EPB41L2: variants seen among roughly 807,000 people sequenced by gnomAD.
EPB41L2 encodes band 4.1-like protein 2.
In EPB41L2, 43 loss-of-function variants were observed where a neutral mutation model predicts 113.0. The ratio of observed to expected loss-of-function variants is 0.38; its 90% confidence interval spans 0.30 to 0.49. EPB41L2 has a LOEUF of 0.49. Among genes scored for constraint, EPB41L2 ranks in the 20% least tolerant of loss-of-function variants. EPB41L2 has a pLI of 0.95. For missense variants in EPB41L2, 1,147 were observed against 1,223.4 expected, an observed-to-expected ratio of 0.94 and a Z score of 0.93; for synonymous variants, 442 against 436.7, an observed-to-expected ratio of 1.01 and a Z score of -0.15.
intron 1 of EPB41L2, among the ~76,000 whole-genome samples, chr6:130,991,790 C>T (rs1267082506): frequency 1.3e-5 from 2 of 152,108 alleles, no homozygotes; most frequent in East Asian, 3.9e-4. Context: ...GTTGTCTTTG[C>T]TTTATTCCTC....
intron 19 of EPB41L2, among the ~76,000 whole-genome samples, chr6:130,845,729 C>G (rs1776859895): frequency 6.6e-6 from 1 of 152,182 alleles, no homozygotes; most frequent in Non-Finnish European, 1.5e-5. Context: ...ATAGAGAAGA[C>G]AGTTTCACTT....
intron 4 of EPB41L2, among the ~76,000 whole-genome samples, chr6:130,918,994 G>A (rs1802006059): frequency 6.6e-6 from 1 of 152,052 alleles, no homozygotes; most frequent in African/African-American, 2.4e-5. Context: ...CTTGAGGACT[G>A]GATTTTGTCT....
intron 1 of EPB41L2, among the ~76,000 whole-genome samples, chr6:130,967,997 C>G (rs1775766886): frequency 6.6e-6 from 1 of 152,182 alleles, no homozygotes; most frequent in African/African-American, 2.4e-5. Flanking sequence ...ATGATCATGA[C>G]AGATGCCAGC....
chr6:131,046,383 T>C (rs1478444015), intron 1 of EPB41L2, among the ~76,000 whole-genome samples: 9 of 152,122 alleles, frequency 5.9e-5, no homozygotes, highest in Admixed American at 5.9e-4. Context: ...ACTTAACTAA[T>C]GAGTGTACTG....
intron 11 of EPB41L2, among the ~76,000 whole-genome samples, chr6:130,887,463 CT>C (rs1196622962): frequency 6.6e-6 from 1 of 152,148 alleles, no homozygotes; most frequent in Non-Finnish European, 1.5e-5. Context: ...CACATAAACC[CT>C]TCAATGGTTT....
chr6:130,890,352 C>T lies in EPB41L2; in HGVS notation c.1602G>A (p.Arg534=), dbSNP rs1792391702. The change falls in exon 11 of 20, where the codon AGG becomes AGA. Residue 534 remains arginine (R), a synonymous_variant. Transcript: ENST00000337057. ...AAGTGCGCTCAAAGTGTGGTGCTGG[C>T]CTATCTATGAGGGTGCTGGCCTGGC... is the stretch of plus-strand genomic sequence containing the variant. The part of the protein sequence containing the change: ...QTRQASTLID[R]PAPHFERTSS... 1 of 1,613,706 alleles carries T rather than the reference C, an allele frequency of 6.2e-7. No individual in the cohort carries two copies. Among genetic ancestry groups the T allele is most frequent in the African/African-American group, 1.3e-5 (1 of 74,948 alleles).
rs555792220 is a variant in EPB41L2, at chr6:130,935,709, G to A, written c.706-9000C>T. Among the ~76,000 whole-genome samples, 7 of 152,162 alleles carry A rather than the reference G, an allele frequency of 4.6e-5. No homozygotes were observed. In the South Asian group the frequency reaches 6.2e-4, roughly 14 times the overall value. ...TAATATCTCATTCATAACTACACAC[G>A]AATTTATTTCTTAGGCAGTTGTAGT... On this transcript the variant is annotated intron_variant, in intron 3 of 19. Transcript: ENST00000337057.
At position 130,858,175 on chromosome 6, in the gene EPB41L2, TACC is replaced by T. The variant is rs1249010323; in HGVS notation, c.2976_2978del (p.Val993del). On this transcript the variant is annotated inframe_deletion, in exon 19 of 20. Coordinates refer to ENST00000337057, the MANE Select transcript of EPB41L2 (RefSeq NM_001431.4). The stretch of plus-strand genomic sequence containing the variant: ...CCTCAGCCAACTCTGTTTCTTTGTG[TACC>T]ACCACTCTTGTGACCGACATGTCAG... The T allele has an allele frequency of 6.2e-7, 1 of 1,614,098 alleles. No individual in the cohort carries two copies. Among genetic ancestry groups the T allele is most frequent in the South Asian group, 1.1e-5 (1 of 91,076 alleles).
In EPB41L2 at chr6:130,943,207, C is replaced by T. The variant is rs111871340; in HGVS notation, c.705+11898G>A. On this transcript the variant is annotated intron_variant, in intron 3 of 19. Coordinates refer to ENST00000337057, the MANE Select transcript of EPB41L2 (RefSeq NM_001431.4). ...ACAATGGTTGAACTAATTCATGCTC[C>T]CACCAACAGTGTAAAAGCGTTCCTA... Among the ~76,000 whole-genome samples the T allele has an allele frequency of 2.1e-3, 325 of 152,264 alleles. 7 individuals are homozygous for T. In the Middle Eastern group the frequency reaches 0.024, roughly 11 times the overall value.
intron 19 of EPB41L2, among the ~76,000 whole-genome samples, chr6:130,852,308 C>T (rs1778986211): frequency 6.6e-6 from 1 of 152,160 alleles, no homozygotes; most frequent in African/African-American, 2.4e-5. Flanking sequence ...TCTTAACATG[C>T]AGACGATCCA....
Position 130,956,421 on chromosome 6 carries a change from G to C in EPB41L2, c.65C>G (p.Ala22Gly), listed in dbSNP as rs749040532. ...KKDSSQLGTD[A>G]TKEKPKEVAE... ...TACTTCTTTAGGTTTTTCCTTGGTT[G>C]CATCTGTTCCTAACTGGCTAGAGTC... is the stretch of plus-strand genomic sequence containing the variant. Residue 22 changes from alanine (A) to glycine (G), a missense_variant, in exon 2 of 20, where the codon GCA becomes GGA. Physicochemically the swap from Ala to Gly is moderately conservative, Grantham distance 60. Transcript: ENST00000337057. 4.3e-6 allele frequency: 7 copies of C among 1,613,962 alleles called. No homozygotes were observed. The South Asian group carries it at 7.7e-5, about 18-fold the overall frequency.
chr6:130,845,787 C>A (rs1270459453), intron 19 of EPB41L2, among the ~76,000 whole-genome samples: 2 of 152,204 alleles, frequency 1.3e-5, no homozygotes, highest in African/African-American at 4.8e-5. Context: ...TCCTACATCT[C>A]AAGCCTGAGT....
chr6:130,872,748 T>C (rs1786178431), intron 14 of EPB41L2, among the ~76,000 whole-genome samples: 1 of 152,174 alleles, frequency 6.6e-6, no homozygotes, highest in Non-Finnish European at 1.5e-5. Context: ...GAATCTTTGA[T>C]AGTTGCGACC....
At chr6:130,845,400 C>T (rs1056260668) in intron 19 of EPB41L2, among the ~76,000 whole-genome samples, 4 of 151,518 alleles carry the variant, frequency 2.6e-5, no homozygotes, top group Admixed American at 2.0e-4. Flanking sequence ...TTTTTAGAGG[C>T]AGGGTCTTGC....
Position 130,901,136 on chromosome 6 carries a change from C to T in EPB41L2, c.974G>A (p.Arg325His), listed in dbSNP as rs375486728. Reference sequence around the variant, plus strand: ...ATGAGTCACAAAAGAGCAGGGCAGGCGGCCAGAGGCAATGTCCTGCCGGAG... The same window carrying T: ...ATGAGTCACAAAAGAGCAGGGCAGGTGGCCAGAGGCAATGTCCTGCCGGAG... ...LQLRQDIASG[R>H]LPCSFVTHAL... The change falls in exon 7 of 20, where the codon CGC (arginine) becomes CAC (histidine). Residue 325 changes from arginine to histidine, a missense_variant. Transcript: ENST00000337057. 1.1e-5 allele frequency: 18 copies of T among 1,613,844 alleles called. No homozygotes were observed. The highest frequency in any genetic ancestry group is 1.1e-4 in the African/African-American group (8 of 74,872).
intron 1 of EPB41L2, among the ~76,000 whole-genome samples, chr6:130,977,766 C>T (rs147624879): frequency 1.3e-5 from 2 of 152,128 alleles, no homozygotes; most frequent in Non-Finnish European, 2.9e-5. Context: ...GTTAGCTACA[C>T]GTATAACATA....
At chr6:130,954,246 G>C (rs1250142537) in intron 3 of EPB41L2, among the ~76,000 whole-genome samples, 45 of 151,316 alleles carry the variant, frequency 3.0e-4, no homozygotes, top group Non-Finnish European at 2.4e-4. Flanking sequence ...GTAGAGACAG[G>C]GTTTCACCAT....
chr6:130,869,242 T>C (rs943187139), intron 15 of EPB41L2, among the ~76,000 whole-genome samples: 5 of 152,106 alleles, frequency 3.3e-5, no homozygotes, highest in African/African-American at 1.2e-4. Context: ...GAGGAAGCAG[T>C]GCAACTGAAG....
intron 1 of EPB41L2, chr6:130,970,330 G>A (rs1776461656): frequency 6.6e-6 from 1 of 152,270 alleles, no homozygotes; most frequent in Admixed American, 6.5e-5. Flanking sequence ...TCCTGTCATT[G>A]GAAAACTGTG....
Sources: allele counts gnomAD v4.1 joint callset (sites outside exome capture counted in the v4.1 genomes callset), GRCh38; gene constraint gnomAD v4.1.1; transcripts MANE v1.5; gene names NCBI Gene and HGNC (gene_info 2026-07-23, HGNC 2026-07-21).